ARSB: variants seen among roughly 807,000 people sequenced by gnomAD.
ARSB encodes the protein N-acetylgalactosamine-4-sulfatase.
A neutral mutation model predicts 50.9 loss-of-function variants in ARSB; 41 were observed. The ratio of observed to expected loss-of-function variants is 0.81; its 90% CI spans 0.63 to 1.04. ARSB has a LOEUF of 1.04. ARSB is among the 50% of genes least tolerant of loss of function. ARSB has a pLI of 0.00. For synonymous variants in ARSB, 269 were observed against 284.8 expected (o/e 0.94, Z 0.56); for missense variants, 672 against 693.3 (o/e 0.97, Z 0.35).
chr5:78,885,851 A>G (rs771168498), intron 4 of ARSB, 24 bp from the exon 5 acceptor site: 5 of 1,614,092 alleles, frequency 3.1e-6, no homozygotes, highest in Non-Finnish European at 3.4e-6. Flanking sequence ...AGGTCTTGGC[A>G]TGAGGATGAT....
chr5:78,933,220 T>G (rs1192306891), intron 4 of ARSB, among the ~76,000 whole-genome samples: 1 of 152,178 alleles, frequency 6.6e-6, no homozygotes, highest in Non-Finnish European at 1.5e-5. Flanking sequence ...GTTCCCAAGG[T>G]GTCAAATATA....
chr5:78,790,554 T>C (rs1423067794), intron 6 of ARSB, among the ~76,000 whole-genome samples: 6 of 152,168 alleles, frequency 3.9e-5, no homozygotes, highest in Non-Finnish European at 7.3e-5. Context: ...GTTAAGACAA[T>C]TGCCAACATT....
At chr5:78,936,826 T>C (rs867359094) in intron 4 of ARSB, among the ~76,000 whole-genome samples, 32 of 152,322 alleles carry the variant, frequency 2.1e-4, no homozygotes, top group South Asian at 1.0e-3. Flanking sequence ...ACATTAATAA[T>C]TAGTTTGTCT....
chr5:78,966,821 T>A (rs1025597487), intron 2 of ARSB, among the ~76,000 whole-genome samples: 6 of 152,008 alleles, frequency 3.9e-5, no homozygotes, highest in Middle Eastern at 3.2e-3. Context: ...TCTAAGGATG[T>A]ACAGGCTGTT....
intron 5 of ARSB, among the ~76,000 whole-genome samples, chr5:78,863,928 T>A (rs573697578): frequency 6.6e-6 from 1 of 151,976 alleles, no homozygotes; most frequent in Non-Finnish European, 1.5e-5. Flanking sequence ...ATTTTTAGAT[T>A]TTCATAGAAT....
At chr5:78,865,117 CG>C (rs1746653085) in intron 5 of ARSB, among the ~76,000 whole-genome samples, 1 of 55,026 alleles carries the variant, frequency 1.8e-5, no homozygotes, top group Non-Finnish European at 4.0e-5. Context: ...ACTAGGACTC[CG>C]TATAGGGGTT....
intron 5 of ARSB, among the ~76,000 whole-genome samples, chr5:78,854,868 T>C (rs1294840825): frequency 1.3e-5 from 2 of 152,110 alleles, no homozygotes; most frequent in Non-Finnish European, 2.9e-5. Flanking sequence ...AGCTGACAAT[T>C]TTTTTTTCTT....
At chr5:78,890,286 C>T (rs577307589) in intron 4 of ARSB, among the ~76,000 whole-genome samples, 1 of 143,460 alleles carries the variant, frequency 7.0e-6, no homozygotes, top group African/African-American at 2.6e-5. Flanking sequence ...AGTCTCACTC[C>T]TCCAACCAGG....
At chr5:78,843,251 A>G (rs1745305976) in intron 5 of ARSB, among the ~76,000 whole-genome samples, 1 of 152,196 alleles carries the variant, frequency 6.6e-6, no homozygotes, top group African/African-American at 2.4e-5. Context: ...CTGCATTTCT[A>G]ACAGTTTCCC....
chr5:78,883,948 T>C (rs1222638366), intron 5 of ARSB: 1 of 152,194 alleles, frequency 6.6e-6, no homozygotes, highest in East Asian at 1.9e-4. Flanking sequence ...AAATAATCTA[T>C]ATATTTTGCA....
chr5:78,875,076 G>A (rs947687232), intron 5 of ARSB, among the ~76,000 whole-genome samples: 3 of 152,174 alleles, frequency 2.0e-5, no homozygotes, highest in Non-Finnish European at 4.4e-5. Context: ...TTGCACCACT[G>A]CACTCTAGCT....
upstream of ARSB, chr5:78,985,311 GAGGA>G (rs1256628783): frequency 1.6e-6 from 2 of 1,229,610 alleles, no homozygotes; most frequent in East Asian, 6.5e-5. Context: ...CTGATAGAAT[GAGGA>G]ACTGGGCTGC....
intron 6 of ARSB, 118 bp downstream of exon 6, chr5:78,839,238 G>T: frequency 1.0e-6 from 1 of 987,056 alleles, no homozygotes; most frequent in Non-Finnish European, 1.6e-6. Context: ...CCGAAGAACT[G>T]TTTACCTTTA....
chr5:78,903,483 C>T (rs1338244278), intron 4 of ARSB, among the ~76,000 whole-genome samples: 2 of 152,206 alleles, frequency 1.3e-5, no homozygotes, highest in Non-Finnish European at 2.9e-5. Context: ...TTCTTGTTTT[C>T]ACCAGTCCAT....
At chr5:78,978,854 T>G (rs1166753831) in intron 1 of ARSB, among the ~76,000 whole-genome samples, 3 of 152,168 alleles carry the variant, frequency 2.0e-5, no homozygotes, top group Non-Finnish European at 4.4e-5. Context: ...AAGACCTAAA[T>G]GTAAAAACTG....
At chr5:78,960,678 C>T (rs1751940819) in intron 3 of ARSB, among the ~76,000 whole-genome samples, 1 of 152,164 alleles carries the variant, frequency 6.6e-6, no homozygotes, top group Admixed American at 6.5e-5. Context: ...GATTCTCCTG[C>T]CTCAGCCTCC....
chr5:78,853,558 C>A (rs567487044), intron 5 of ARSB, among the ~76,000 whole-genome samples: 1 of 152,216 alleles, frequency 6.6e-6, no homozygotes. Flanking sequence ...TCTCCAGCTG[C>A]GTGCTGGGAG....
chr5:78,877,684 C>T (rs111369789), intron 5 of ARSB, among the ~76,000 whole-genome samples: 107 of 152,242 alleles, frequency 7.0e-4, no homozygotes, highest in African/African-American at 2.4e-3. Flanking sequence ...CCACCACACC[C>T]TGCCTAGCTA....
At chr5:78,944,982 C>T (rs971502798) in intron 4 of ARSB, among the ~76,000 whole-genome samples, 13 of 152,164 alleles carry the variant, frequency 8.5e-5, no homozygotes, top group South Asian at 8.3e-4. Flanking sequence ...CAATGGTGGG[C>T]GCCCCTCCCC....
Sources: gnomAD v4.1 joint callset for allele counts (sites outside exome capture counted in the v4.1 genomes callset) on GRCh38, gnomAD v4.1.1 for gene constraint, MANE v1.5 for transcripts, NCBI Gene and HGNC (gene_info 2026-07-23, HGNC 2026-07-21) for gene names.